The following MEGF6 variants were observed in gnomAD, a reference collection of about 807,000 sequenced individuals.
MEGF6 encodes the protein multiple epidermal growth factor-like domains protein 6.
Under a neutral mutation model 207.1 loss-of-function variants are expected in MEGF6, and 184 were observed. That is an observed-to-expected ratio of 0.89 (90% confidence interval 0.79 to 1.00). The LOEUF (loss-of-function observed/expected upper bound fraction) is 1.00. Among genes scored for constraint, MEGF6 ranks in the 50% least tolerant of loss-of-function variants. The pLI is 0.00. For missense variants in MEGF6, 2,282 were observed against 2,202.9 expected (o/e 1.04, Z -0.72); for synonymous variants, 1,038 against 910.0 (o/e 1.14, Z -2.53).
chr1:3,555,552 G>C (rs1422853864), intron 4 of MEGF6, among the ~76,000 whole-genome samples: 1 of 152,272 alleles, frequency 6.6e-6, no homozygotes, highest in African/African-American at 2.4e-5. Context: ...AGCTCCTGGG[G>C]TCTGGCCTGC....
chr1:3,519,856 G>T (rs1333916928), intron 5 of MEGF6, among the ~76,000 whole-genome samples: 2 of 152,224 alleles, frequency 1.3e-5, no homozygotes, highest in African/African-American at 4.8e-5. Context: ...GCCTGGGTAG[G>T]GAAGAGTCTG....
chr1:3,597,903 C>A (rs1224650435), intron 2 of MEGF6, among the ~76,000 whole-genome samples: 1 of 152,218 alleles, frequency 6.6e-6, no homozygotes, highest in East Asian at 1.9e-4. Flanking sequence ...TGGTACCTGC[C>A]CAGGGGTCCC....
chr1:3,527,622 A>C (rs1642010763), intron 4 of MEGF6, among the ~76,000 whole-genome samples: 1 of 152,178 alleles, frequency 6.6e-6, no homozygotes, highest in Non-Finnish European at 1.5e-5. Context: ...CGGGCCCCCA[A>C]CAGCGCCCCA....
At chr1:3,538,098 A>G (rs1258948455) in intron 4 of MEGF6, among the ~76,000 whole-genome samples, 2 of 152,154 alleles carry the variant, frequency 1.3e-5, no homozygotes, top group Non-Finnish European at 2.9e-5. Context: ...CTAAGCCCCA[A>G]AGCCATCCCA....
At position 3,556,969 on chromosome 1, in the gene MEGF6, A is replaced by T. The variant is rs1643052904; in HGVS notation, c.481+22856T>A. ...CTTATCTGGGGGGCCTGGTGGAATC[A>T]CATGGAGTTTCATGGGTGCTGGGGA... On this transcript the variant is annotated intron_variant, in intron 4 of 36. Transcript: ENST00000356575. The surrounding 1 kb of genome is among the most constrained non-coding windows in gnomAD (Gnocchi z 4.4). 6.6e-6 allele frequency among the ~76,000 whole-genome samples: 1 copy of T among 152,202 alleles called. No individual in the cohort carries two copies. Among genetic ancestry groups the T allele is most frequent in the Non-Finnish European group, 1.5e-5 (1 of 68,028 alleles).
At position 3,536,838 on chromosome 1, in the gene MEGF6, C is replaced by T. The variant is rs144880467; in HGVS notation, c.482-12592G>A. On this transcript the variant is annotated intron_variant, in intron 4 of 36. Transcript: ENST00000356575. ...CCCCCTTGGGGCTGGGCCCTGACTC[C>T]GGAACTTCAGGCAAAACCAGAGCCT... is the stretch of plus-strand genomic sequence containing the variant. Among the ~76,000 whole-genome samples, 58 of 152,298 alleles carry T rather than the reference C, an allele frequency of 3.8e-4. No individual in the cohort carries two copies. In the East Asian group the frequency reaches 7.7e-3, roughly 20 times the overall value.
chr1:3,496,084 T>C (rs1640592368), intron 29 of MEGF6, 66 bp from the exon 30 acceptor site: 1 of 1,457,650 alleles, frequency 6.9e-7, no homozygotes, highest in Non-Finnish European at 9.0e-7. Flanking sequence ...AACCCCGGAG[T>C]GGGGATAGGA....
In MEGF6 at chr1:3,594,328, C is replaced by T. The variant is rs1006127393; in HGVS notation, c.376+1010G>A. The stretch of plus-strand genomic sequence containing the variant: ...CCTACAGTCTCAGCCACTCGGGAGG[C>T]TGAGGTGGGAGGATTGCTTGAGTCC... On this transcript the variant is annotated intron_variant, in intron 3 of 36. Transcript: ENST00000356575. This position sits in a 1 kb window ranked among gnomAD's most constrained non-coding sequence, Gnocchi z 4.2. Among the ~76,000 whole-genome samples, 2 of 152,162 alleles carry T rather than the reference C, an allele frequency of 1.3e-5. No homozygotes were observed. The highest frequency in any genetic ancestry group is 6.5e-5 in the Admixed American group (1 of 15,274).
chr1:3,584,422 G>C (rs1398277938), intron 3 of MEGF6, among the ~76,000 whole-genome samples: 1 of 152,214 alleles, frequency 6.6e-6, no homozygotes, highest in East Asian at 1.9e-4. Flanking sequence ...CCATCCTTTG[G>C]GAAGTTGGGG....
chr1:3,524,032 C>A, intron 5 of MEGF6, 92 bp downstream of exon 5: 1 of 1,440,292 alleles, frequency 6.9e-7, no homozygotes. Flanking sequence ...TCCATGTCCA[C>A]AGCCACCCTC....
At chr1:3,520,526 C>A (rs1641705282) in intron 5 of MEGF6, among the ~76,000 whole-genome samples, 1 of 152,156 alleles carries the variant, frequency 6.6e-6, no homozygotes, top group Non-Finnish European at 1.5e-5. Context: ...CTCACTAGGC[C>A]CTGCTCTTCC....
chr1:3,505,808 G>A (rs1001208312), intron 15 of MEGF6, among the ~76,000 whole-genome samples: 11 of 152,180 alleles, frequency 7.2e-5, no homozygotes, highest in African/African-American at 2.4e-4. Context: ...CTCATCCCCC[G>A]GAGGCTTCTG....
intron 4 of MEGF6, among the ~76,000 whole-genome samples, chr1:3,569,332 G>A (rs536241406): frequency 2.0e-5 from 3 of 152,232 alleles, no homozygotes; most frequent in East Asian, 1.9e-4. Flanking sequence ...CTGGGCAGGC[G>A]GTCAAGGGCC....
rs1257336610 is a variant in MEGF6, at chr1:3,556,531, C to T, written c.481+23294G>A. Among the ~76,000 whole-genome samples, 3 of 152,310 alleles carry T rather than the reference C, an allele frequency of 2.0e-5. No homozygotes were observed. Among genetic ancestry groups the T allele is most frequent in the South Asian group, 4.1e-4 (2 of 4,826 alleles). On this transcript the variant is annotated intron_variant, in intron 4 of 36. Transcript: ENST00000356575. The surrounding 1 kb of genome is among the most constrained non-coding windows in gnomAD (Gnocchi z 4.4). ...CCCACCAGGTTTTCTGCCTGCTTCC[C>T]ACTCCAGTGAGTCAGGAGCGGGTCA...
the MEGF6 span, among the ~76,000 whole-genome samples, chr1:3,617,440 T>C: frequency 6.6e-6 from 1 of 152,000 alleles, no homozygotes; most frequent in Non-Finnish European, 1.5e-5. Context: ...TGAGAACACA[T>C]GGACACATGT....
intron 14 of MEGF6, 144 bp from the exon 15 acceptor site, chr1:3,506,380 G>A (rs547209464): frequency 2.2e-5 from 23 of 1,033,764 alleles, no homozygotes; most frequent in East Asian, 1.8e-4. Flanking sequence ...TGAGCCTTCC[G>A]GATGTGGCCG....
At chr1:3,500,590 C>G in intron 21 of MEGF6, 43 bp downstream of exon 21, 1 of 1,526,814 alleles carries the variant, frequency 6.5e-7, no homozygotes, top group Non-Finnish European at 8.8e-7. Context: ...TGTGCGTGTG[C>G]GCACTCAGGA....
At chr1:3,603,855 T>C (rs912139434) in intron 1 of MEGF6, among the ~76,000 whole-genome samples, 18 of 152,324 alleles carry the variant, frequency 1.2e-4, no homozygotes, top group African/African-American at 4.3e-4. Flanking sequence ...CGCCCCCAGA[T>C]GGAGGCTCTT....
rs1293546603 is a variant in MEGF6 at position 3,565,939 on chromosome 1, G to T, written c.481+13886C>A. Among the ~76,000 whole-genome samples, 1 of 152,162 alleles carries T rather than the reference G, an allele frequency of 6.6e-6. No individual in the cohort carries two copies. Among genetic ancestry groups the T allele is most frequent in the Non-Finnish European group, 1.5e-5 (1 of 68,008 alleles). On this transcript the variant is annotated intron_variant, in intron 4 of 36. Coordinates refer to ENST00000356575, the MANE Select transcript of MEGF6 (RefSeq NM_001409.4). This position sits in a 1 kb window ranked among gnomAD's most constrained non-coding sequence, Gnocchi z 4.8. ...GCTTCCTCCTCCCTGAGACCTCAGGGTCAGCTGCTATAGGACCCGCCGTGG... is the reference window on the plus strand; with the variant it reads ...GCTTCCTCCTCCCTGAGACCTCAGGTTCAGCTGCTATAGGACCCGCCGTGG...
Sources: gnomAD v4.1 joint callset for allele counts (sites outside exome capture counted in the v4.1 genomes callset) on GRCh38, gnomAD v4.1.1 for gene constraint, Gnocchi (gnomAD v3.1) non-coding constraint, MANE v1.5 for transcripts, NCBI Gene and HGNC (gene_info 2026-07-23, HGNC 2026-07-21) for gene names.